LDB3: variants seen among roughly 807,000 people sequenced by gnomAD.
The protein encoded by LDB3 is LIM domain-binding protein 3.
In LDB3, 49 loss-of-function variants were observed where a neutral mutation model predicts 69.0. The ratio of observed to expected loss-of-function variants is 0.71; its 90% CI spans 0.56 to 0.90. The LOEUF is 0.90. LDB3 is among the 40% of genes least tolerant of loss of function. The pLI, the probability that LDB3 is intolerant of heterozygous loss-of-function variation, is 0.00. For missense variants in LDB3, 928 were observed against 974.1 expected, an observed-to-expected ratio of 0.95 and a Z score of 0.63; for synonymous variants, 387 against 396.2, an observed-to-expected ratio of 0.98 and a Z score of 0.28.
At chr10:86,685,490 G>A (rs954199355) in intron 5 of LDB3, among the ~76,000 whole-genome samples, 26 of 152,280 alleles carry the variant, frequency 1.7e-4, no homozygotes, top group African/African-American at 5.8e-4. Flanking sequence ...GAACCAAACC[G>A]AGGGTCCCAG....
intron 12 of LDB3, among the ~76,000 whole-genome samples, chr10:86,724,646 T>A (rs1039837267): frequency 4.0e-5 from 6 of 151,346 alleles, no homozygotes; most frequent in South Asian, 2.1e-4. Context: ...ATAAATAAAA[T>A]AAATAGATAA....
At chr10:86,677,236 GT>G (rs1451790054) in intron 2 of LDB3, among the ~76,000 whole-genome samples, 1 of 152,210 alleles carries the variant, frequency 6.6e-6, no homozygotes, top group Non-Finnish European at 1.5e-5. Context: ...TATGGTGGGA[GT>G]CAGGTCATAA....
chr10:86,706,775 C>T, intron 8 of LDB3, 56 bp downstream of exon 8: 2 of 1,541,474 alleles, frequency 1.3e-6, no homozygotes, highest in South Asian at 2.3e-5. Flanking sequence ...AGGAAACGCC[C>T]CACTCTGGGT....
chr10:86,718,001 C>T lies in LDB3; in HGVS notation c.1714C>T (p.Pro572Ser). Reference protein sequence around the residue: ...FLVAMGRSWHPEEFTCAYCKT... With the variant: ...FLVAMGRSWHSEEFTCAYCKT... Reference sequence around the variant, plus strand: ...GGTAGCCATGGGCCGTTCTTGGCACCCTGAAGAGTTCACCTGTGCCTACTG... The same window carrying T: ...GGTAGCCATGGGCCGTTCTTGGCACTCTGAAGAGTTCACCTGTGCCTACTG... The change falls in exon 11 of 14, where the codon CCT (proline) becomes TCT (serine). Residue 572 changes from proline to serine, a missense_variant. Coordinates refer to ENST00000361373, the MANE Select transcript of LDB3 (RefSeq NM_007078.3). 6.2e-7 allele frequency: 1 copy of T among 1,614,120 alleles called. No homozygotes were observed.
intron 3 of LDB3, 44 bp from the exon 4 acceptor site, chr10:86,680,038 C>G: frequency 6.4e-7 from 1 of 1,573,694 alleles, no homozygotes; most frequent in African/African-American, 1.3e-5. Flanking sequence ...GCTTCTGGCC[C>G]CAGGGGCAAC....
intron 13 of LDB3, among the ~76,000 whole-genome samples, chr10:86,731,614 T>C (rs1210730051): frequency 6.6e-6 from 1 of 152,150 alleles, no homozygotes; most frequent in Non-Finnish European, 1.5e-5. Flanking sequence ...TTTTACTAGT[T>C]TTCAGTTTCT....
chr10:86,698,079 C>T (rs1846087745), intron 7 of LDB3, among the ~76,000 whole-genome samples: 1 of 152,200 alleles, frequency 6.6e-6, no homozygotes, highest in Non-Finnish European at 1.5e-5. Context: ...ACCCACTCCC[C>T]TCCAGCACCC....
rs188347375 is a variant in LDB3 at position 86,684,973 on chromosome 10, G to T, written c.689+3170G>T. 4.8e-3 allele frequency among the ~76,000 whole-genome samples: 728 copies of T among 152,316 alleles called. 1 individual carries two copies. Among genetic ancestry groups the T allele is most frequent in the Middle Eastern group, 6.8e-3 (2 of 294 alleles). On this transcript the variant is annotated intron_variant, in intron 5 of 13. Coordinates refer to ENST00000361373, the MANE Select transcript of LDB3 (RefSeq NM_007078.3). ...GGCCTCTCACTGTGCTGCCTCGGCT[G>T]TTGAGCTCACACTTCTCCCTGCGCC...
At chr10:86,677,034 G>A (rs1033061560) in intron 2 of LDB3, among the ~76,000 whole-genome samples, 15 of 152,252 alleles carry the variant, frequency 9.9e-5, no homozygotes, top group African/African-American at 3.6e-4. Context: ...CCAGGAAGGT[G>A]ACTGGGATGT....
chr10:86,699,164 C>A lies in LDB3; in HGVS notation c.896+6593C>A. On this transcript the variant is annotated intron_variant, in intron 7 of 13. Coordinates refer to ENST00000361373, the MANE Select transcript of LDB3 (RefSeq NM_007078.3). The surrounding 1 kb of genome is among the most constrained non-coding windows in gnomAD (Gnocchi z 4.9). Reference sequence around the variant, plus strand: ...CATGCCCTCTGCCCCACCTGTTAGACAGGGGAATGGTGAACACATTCCCTA... The same window carrying A: ...CATGCCCTCTGCCCCACCTGTTAGAAAGGGGAATGGTGAACACATTCCCTA... 1.6e-6 allele frequency: 2 copies of A among 1,265,434 alleles called. No individual in the cohort carries two copies. Among genetic ancestry groups the A allele is most frequent in the Non-Finnish European group, 2.3e-6 (2 of 875,136 alleles). The allele number at this position is 1,265,434 out of a possible 1,614,324, so 78.4% of individuals were successfully genotyped here.
rs546250890 is a variant in LDB3 at position 86,692,515 on chromosome 10, C to G, written c.860-20C>G. ...CTGTGTCTCCCGTGAGTCCCCTGAC[C>G]AGCTCCTTTCTACCAACAGTGCAAG... is the stretch of plus-strand genomic sequence containing the variant. On this transcript the variant is annotated intron_variant, in intron 6 of 13. Transcript: ENST00000361373. 1.9e-6 allele frequency: 3 copies of G among 1,613,938 alleles called. No individual in the cohort carries two copies. The African/African-American group carries it at 4.0e-5, about 22-fold the overall frequency.
At chr10:86,724,557 T>A (rs1847191473) in intron 12 of LDB3, among the ~76,000 whole-genome samples, 1 of 151,594 alleles carries the variant, frequency 6.6e-6, no homozygotes, top group Non-Finnish European at 1.5e-5. Context: ...TGAGCCGACA[T>A]CATGCCACTG....
chr10:86,727,463 T>C (rs971758085), intron 13 of LDB3, among the ~76,000 whole-genome samples: 2 of 152,222 alleles, frequency 1.3e-5, no homozygotes, highest in African/African-American at 4.8e-5. Context: ...ACCCTAGTCA[T>C]AAAGTTTACG....
chr10:86,697,640 G>A (rs1472625192), intron 7 of LDB3, among the ~76,000 whole-genome samples: 15 of 126,694 alleles, frequency 1.2e-4, no homozygotes, highest in Admixed American at 1.2e-3. Flanking sequence ...TGCAACCTCC[G>A]CCTCCCGGGT....
At position 86,679,405 on chromosome 10, in the gene LDB3, C is replaced by T; in HGVS notation, c.132C>T (p.Ser44=). The change falls in exon 3 of 14, where the codon AGC becomes AGT. Residue 44 remains serine (S), a synonymous_variant. Transcript: ENST00000361373. The part of the protein sequence containing the change: ...PGSKAAQSQL[S]QGDLVVAIDG... ...GCAAGGCAGCCCAGTCCCAGCTCAG[C>T]CAGGGTGACCTCGTGGTGGCCATTG... 6.2e-7 allele frequency: 1 copy of T among 1,614,182 alleles called. No individual in the cohort carries two copies. Among genetic ancestry groups the T allele is most frequent in the Non-Finnish European group, 8.5e-7 (1 of 1,180,030 alleles).
Position 86,699,443 on chromosome 10 carries a change from G to C in LDB3, c.896+6872G>C, listed in dbSNP as rs1037329839. 1.9e-6 allele frequency: 3 copies of C among 1,610,234 alleles called. No homozygotes were observed. In the African/African-American group the frequency reaches 4.0e-5, roughly 22 times the overall value. ...CCATCCTTACCCCCACACAGATCTGGCATGTGAGCCCCACGGTGATGCTTG... is the reference window on the plus strand; with the variant it reads ...CCATCCTTACCCCCACACAGATCTGCCATGTGAGCCCCACGGTGATGCTTG... On this transcript the variant is annotated intron_variant, in intron 7 of 13. Transcript: ENST00000361373. This position sits in a 1 kb window ranked among gnomAD's most constrained non-coding sequence, Gnocchi z 4.9.
chr10:86,685,703 T>C (rs1845428717), intron 5 of LDB3: 2 of 1,614,128 alleles, frequency 1.2e-6, no homozygotes, highest in Non-Finnish European at 1.7e-6. Flanking sequence ...CCAGCCAAGT[T>C]AGTATCAAAG....
intron 9 of LDB3, among the ~76,000 whole-genome samples, chr10:86,711,529 G>C (rs1011944936): frequency 2.6e-5 from 4 of 152,088 alleles, no homozygotes; most frequent in Admixed American, 1.3e-4. Flanking sequence ...AGGCGGCCCC[G>C]TATGAAGTGG....
chr10:86,710,999 C>T lies in LDB3; in HGVS notation c.1231+949C>T, dbSNP rs745758721. ...CTTCTCTGTCCCTACAGAGAAGGGGCAAGGATAGACGGTTCTGAGGTGAAA... is the reference window on the plus strand; with the variant it reads ...CTTCTCTGTCCCTACAGAGAAGGGGTAAGGATAGACGGTTCTGAGGTGAAA... On this transcript the variant is annotated intron_variant, in intron 9 of 13. Transcript: ENST00000361373. Among the ~76,000 whole-genome samples the T allele has an allele frequency of 1.3e-5, 2 of 152,156 alleles. No homozygotes were observed. Among genetic ancestry groups the T allele is most frequent in the Non-Finnish European group, 2.9e-5 (2 of 67,974 alleles).
Sources: gnomAD v4.1 joint callset for allele counts (sites outside exome capture counted in the v4.1 genomes callset) on GRCh38, gnomAD v4.1.1 for gene constraint, Gnocchi (gnomAD v3.1) non-coding constraint, MANE v1.5 for transcripts, NCBI Gene and HGNC (gene_info 2026-07-23, HGNC 2026-07-21) for gene names.